The following SLC44A5 variants were observed in gnomAD, a reference collection of about 807,000 sequenced individuals.
The protein encoded by SLC44A5 is choline transporter-like protein 5.
Under a neutral mutation model 101.8 loss-of-function variants are expected in SLC44A5, and 57 were observed. The observed-to-expected ratio is 0.56, with a 90% CI of 0.45 to 0.70. The LOEUF is 0.70. Among genes scored for constraint, SLC44A5 ranks in the 30% least tolerant of loss-of-function variants. The pLI is 0.00. For missense variants in SLC44A5, 737 were observed against 853.1 expected, an observed-to-expected ratio of 0.86 and a Z score of 1.70; for synonymous variants, 281 against 290.9, an observed-to-expected ratio of 0.97 and a Z score of 0.35.
chr1:75,677,730 C>T, the SLC44A5 span: 1 of 440,392 alleles, frequency 2.3e-6, no homozygotes, highest in Non-Finnish European at 4.5e-6. Flanking sequence ...CATCTGTTAC[C>T]TATAAAAAAC....
At chr1:75,632,435 G>A in the SLC44A5 span, among the ~76,000 whole-genome samples, 1 of 151,800 alleles carries the variant, frequency 6.6e-6, no homozygotes, top group Admixed American at 6.6e-5. Context: ...TTCAAACAAG[G>A]ATCATCCTGA....
chr1:75,679,139 G>A, the SLC44A5 span, among the ~76,000 whole-genome samples: 1 of 152,202 alleles, frequency 6.6e-6, no homozygotes, highest in Non-Finnish European at 1.5e-5. Context: ...CATCTGATTG[G>A]TGTACCTGAA....
chr1:75,527,150 A>G (rs373436642), intron 2 of SLC44A5, among the ~76,000 whole-genome samples: 17 of 151,116 alleles, frequency 1.1e-4, no homozygotes, highest in Non-Finnish European at 1.5e-4. Context: ...AAAAGAAAAA[A>G]AAAAGAAAAG....
intron 6 of SLC44A5, among the ~76,000 whole-genome samples, chr1:75,256,144 T>C (rs1294687867): frequency 6.6e-6 from 1 of 152,172 alleles, no homozygotes; most frequent in Non-Finnish European, 1.5e-5. Context: ...CTGGGCATTC[T>C]GTGCTTTTGT....
At chr1:75,321,816 T>C (rs940727004) in intron 4 of SLC44A5, among the ~76,000 whole-genome samples, 2 of 152,228 alleles carry the variant, frequency 1.3e-5, no homozygotes, top group African/African-American at 4.8e-5. Flanking sequence ...ATTTGATTCA[T>C]CTTTAACACC....
chr1:75,228,835 T>A (rs183962931), intron 12 of SLC44A5, among the ~76,000 whole-genome samples: 2 of 151,922 alleles, frequency 1.3e-5, no homozygotes, highest in East Asian at 3.9e-4. Context: ...CCACTCTAAT[T>A]ATTGCTCAAT....
chr1:75,420,636 C>T (rs571538596), intron 2 of SLC44A5, among the ~76,000 whole-genome samples: 15 of 152,166 alleles, frequency 9.9e-5, no homozygotes, highest in Middle Eastern at 3.4e-3. Flanking sequence ...GTTTTGAGTG[C>T]TTTGAGTAGA....
intron 2 of SLC44A5, among the ~76,000 whole-genome samples, chr1:75,432,046 T>C (rs555432890): frequency 6.6e-6 from 1 of 152,246 alleles, no homozygotes; most frequent in African/African-American, 2.4e-5. Context: ...ATAATGAAAA[T>C]AGGATTCCCT....
chr1:75,576,076 A>G (rs1398843552), intron 1 of SLC44A5, among the ~76,000 whole-genome samples: 1 of 151,628 alleles, frequency 6.6e-6, no homozygotes, highest in Non-Finnish European at 1.5e-5. Flanking sequence ...CTAGCTAGAC[A>G]GATGTGAAAA....
the SLC44A5 span, among the ~76,000 whole-genome samples, chr1:75,696,863 T>A: frequency 3.3e-5 from 5 of 150,964 alleles, no homozygotes; most frequent in Admixed American, 6.6e-5. Context: ...AGATCCAGAC[T>A]GGGCAACAGA....
At chr1:75,716,431 G>A in the SLC44A5 span, among the ~76,000 whole-genome samples, 4 of 151,996 alleles carry the variant, frequency 2.6e-5, no homozygotes, top group East Asian at 1.9e-4. Flanking sequence ...TGATCACGCC[G>A]CTGCACTCCA....
intron 1 of SLC44A5, among the ~76,000 whole-genome samples, chr1:75,569,535 G>C (rs1179376420): frequency 3.3e-5 from 5 of 152,138 alleles, no homozygotes; most frequent in African/African-American, 1.2e-4. Context: ...AGCCACGAAG[G>C]CTGCCCTCAA....
Position 75,218,202 on chromosome 1 carries a change from A to G in SLC44A5, c.1530-242T>C, listed in dbSNP as rs1647001924. Among the ~76,000 whole-genome samples, 4 of 152,118 alleles carry G rather than the reference A, an allele frequency of 2.6e-5. No homozygotes were observed. In the South Asian group the frequency reaches 8.3e-4, roughly 32 times the overall value. On this transcript the variant is annotated intron_variant, in intron 17 of 23. Transcript: ENST00000370859. ...TATCATCATAAAATAGGATGTTTTT[A>G]CTGCTCAATGGAGACACAGAGCCAA...
At position 75,219,336 on chromosome 1, in the gene SLC44A5, G is replaced by A. The variant is rs202241076; in HGVS notation, c.1187C>T (p.Ala396Val). Residue 396 changes from alanine (A) to valine (V), a missense_variant, in exon 16 of 24, where the codon GCG becomes GTG. This residue lies in a region of SLC44A5 where 665 missense variants were observed against 764.4 expected (regional missense o/e 0.87). Transcript: ENST00000370859. Reference sequence around the variant, plus strand: ...TTTGTATACAGGTACCCCCGATGTCGCCAAGAAACTGAATAAACTCCATTA... The same window carrying A: ...TTTGTATACAGGTACCCCCGATGTCACCAAGAAACTGAATAAACTCCATTA... ...CYWVVTAVFL[A>V]TSGVPVYKVI... The A allele has an allele frequency of 3.2e-5, 51 of 1,609,494 alleles. No homozygotes were observed. Among genetic ancestry groups the A allele is most frequent in the East Asian group, 1.1e-4 (5 of 44,766 alleles).
intron 1 of SLC44A5, among the ~76,000 whole-genome samples, chr1:75,610,061 T>C (rs142353554): frequency 5.5e-4 from 83 of 151,140 alleles, no homozygotes; most frequent in African/African-American, 2.0e-3. Flanking sequence ...AACTAGCAAG[T>C]TGTTGCTATT....
At chr1:75,217,250 T>C (rs1646980533) in intron 18 of SLC44A5, among the ~76,000 whole-genome samples, 1 of 152,016 alleles carries the variant, frequency 6.6e-6, no homozygotes, top group Non-Finnish European at 1.5e-5. Flanking sequence ...AGTTAGTTTC[T>C]GGGATTTCTG....
At chr1:75,527,165 G>T (rs1467755457) in intron 2 of SLC44A5, among the ~76,000 whole-genome samples, 2 of 145,556 alleles carry the variant, frequency 1.4e-5, no homozygotes, top group East Asian at 2.0e-4. Context: ...GAAAAGAAAA[G>T]AAAAAGAAAA....
intron 2 of SLC44A5, among the ~76,000 whole-genome samples, chr1:75,508,466 C>A (rs1042718738): frequency 6.6e-5 from 10 of 151,990 alleles, no homozygotes; most frequent in African/African-American, 2.4e-4. Flanking sequence ...GACAAACTAA[C>A]CCCAATGCTA....
intron 3 of SLC44A5, among the ~76,000 whole-genome samples, chr1:75,343,207 T>C (rs542977706): frequency 1.8e-4 from 27 of 152,346 alleles, no homozygotes; most frequent in African/African-American, 6.5e-4. Context: ...TCATTTGACT[T>C]TCTGATCACC....
Sources: allele counts gnomAD v4.1 joint callset (sites outside exome capture counted in the v4.1 genomes callset), GRCh38; gene constraint gnomAD v4.1.1; regional missense constraint gnomAD v4.1.1; transcripts MANE v1.5; gene names NCBI Gene and HGNC (gene_info 2026-07-23, HGNC 2026-07-21).